The following AEBP2 variants were observed in gnomAD, a reference collection of about 807,000 sequenced individuals.
AEBP2 encodes zinc finger protein AEBP2.
In AEBP2, 10 loss-of-function variants were observed where a neutral mutation model predicts 50.8. That is an observed-to-expected ratio of 0.20 (90% CI 0.12 to 0.33). AEBP2 has a LOEUF of 0.33. Ranked by LOEUF, AEBP2 falls within the 10% of genes least tolerant of loss-of-function variation. The pLI is 1.00. For missense variants in AEBP2, 570 were observed against 688.0 expected, an observed-to-expected ratio of 0.83 and a Z score of 1.92; for synonymous variants, 296 against 261.3, an observed-to-expected ratio of 1.13 and a Z score of -1.28.
chr12:19,493,754 C>A, intron 3 of AEBP2, 46 bp from the exon 4 acceptor site: 1 of 1,564,494 alleles, frequency 6.4e-7, no homozygotes, highest in Non-Finnish European at 8.7e-7. Flanking sequence ...TCTTCTCGTG[C>A]CCTACACAGC....
Position 19,522,043 on chromosome 12 carries a change from AAGG to A in AEBP2, c.*3929_*3931del, listed in dbSNP as rs1383924500. On this transcript the variant is annotated 3_prime_UTR_variant, in exon 8 of 8. Transcript: ENST00000266508. Reference sequence around the variant, plus strand: ...ACAAGGAGATACTTTGTTTCTAAAAAAGGAGTTAAATCGTGTCACCTGAATTTT... The same window carrying A: ...ACAAGGAGATACTTTGTTTCTAAAAAAGTTAAATCGTGTCACCTGAATTTT... 1 of 152,104 alleles carries A rather than the reference AAGG, an allele frequency of 6.6e-6. No homozygotes were observed. The allele number at this position is 152,104 out of a possible 1,614,324, so 9.4% of individuals were successfully genotyped here. A position where few individuals can be genotyped will look rare whatever the true frequency, so the allele number is the denominator to read the frequency against.
intron 2 of AEBP2, among the ~76,000 whole-genome samples, chr12:19,462,972 C>T (rs939885288): frequency 2.6e-5 from 4 of 152,098 alleles, no homozygotes; most frequent in African/African-American, 9.7e-5. Flanking sequence ...TAGTAGGTGA[C>T]AGTATTATTA....
intron 5 of AEBP2, among the ~76,000 whole-genome samples, chr12:19,509,831 T>C (rs1478650220): frequency 7.3e-6 from 1 of 136,456 alleles, no homozygotes; most frequent in African/African-American, 2.8e-5. Context: ...TTTTTTTTTT[T>C]TTTTTTTTTT....
intron 1 of AEBP2, chr12:19,456,112 C>T (rs1291243616): frequency 7.6e-6 from 4 of 525,118 alleles, no homozygotes. Flanking sequence ...TCCTTTCCTT[C>T]TGAAGGTTTT....
At chr12:19,498,404 T>A (rs1435043042) in intron 4 of AEBP2, among the ~76,000 whole-genome samples, 1 of 152,218 alleles carries the variant, frequency 6.6e-6, no homozygotes, top group Non-Finnish European at 1.5e-5. Flanking sequence ...TTTGTTTATT[T>A]TTTCTTGAGG....
At chr12:19,444,800 C>T (rs139971175) in intron 1 of AEBP2, among the ~76,000 whole-genome samples, 4 of 152,268 alleles carry the variant, frequency 2.6e-5, no homozygotes, top group Admixed American at 6.5e-5. Context: ...TTTTTAGTAT[C>T]TTTGTAAGTA....
chr12:19,474,553 A>C (rs972566560), intron 3 of AEBP2, among the ~76,000 whole-genome samples: 5 of 151,934 alleles, frequency 3.3e-5, no homozygotes, highest in African/African-American at 1.2e-4. Context: ...GTATTTCCTT[A>C]TGCAACCATA....
intron 3 of AEBP2, among the ~76,000 whole-genome samples, chr12:19,474,790 A>G (rs1948622802): frequency 2.5e-5 from 2 of 79,940 alleles, no homozygotes; most frequent in South Asian, 7.4e-4. Context: ...TTTAATTTGA[A>G]TAGTTTTTTT....
chr12:19,520,805 C>A lies in AEBP2; in HGVS notation c.*2688C>A, dbSNP rs894276903. On this transcript the variant is annotated 3_prime_UTR_variant, in exon 8 of 8. Transcript: ENST00000266508. The stretch of plus-strand genomic sequence containing the variant: ...GGTTGGCAATCCCTAATCCAAAAAT[C>A]TGACATAAAAAATGCTCCAAAGTTC... 6.6e-6 allele frequency: 1 copy of A among 152,176 alleles called. No homozygotes were observed. Among genetic ancestry groups the A allele is most frequent in the African/African-American group, 2.4e-5 (1 of 41,448 alleles). 9.4% of individuals were successfully genotyped at this position (152,176 alleles called of 1,614,324 possible).
chr12:19,462,385 A>T (rs552589886), intron 1 of AEBP2, 125 bp from the exon 2 acceptor site: 1 of 766,790 alleles, frequency 1.3e-6, no homozygotes, highest in African/African-American at 1.8e-5. Flanking sequence ...CATGGAGAAT[A>T]TGGTTACTAT....
In AEBP2 at chr12:19,508,840, C is replaced by A. The variant is rs533847761; in HGVS notation, c.1300-3558C>A. On this transcript the variant is annotated intron_variant, in intron 5 of 7. Transcript: ENST00000266508. Reference sequence around the variant, plus strand: ...TAGTATTTTTTCTTTACTGTTTATTCATTTAAAAATATTTCAAAGGCTTTC... The same window carrying A: ...TAGTATTTTTTCTTTACTGTTTATTAATTTAAAAATATTTCAAAGGCTTTC... 3.7e-4 allele frequency: 77 copies of A among 205,992 alleles called. 2 individuals carry two copies. The South Asian group carries it at 6.6e-3, about 18-fold the overall frequency. The allele number at this position is 205,992 out of a possible 1,614,324, so 12.8% of individuals were successfully genotyped here. A position where few individuals can be genotyped will look rare whatever the true frequency, so the allele number is the denominator to read the frequency against.
upstream of AEBP2, among the ~76,000 whole-genome samples, chr12:19,436,879 A>G (rs1034431788): frequency 1.3e-5 from 2 of 151,948 alleles, no homozygotes; most frequent in Admixed American, 1.3e-4. Flanking sequence ...GGATTACAAG[A>G]GTGAGCCACT....
Position 19,518,126 on chromosome 12 carries a change from T to C in AEBP2, c.*9T>C. The C allele has an allele frequency of 1.3e-6, 2 of 1,590,352 alleles. No homozygotes were observed. The highest frequency in any genetic ancestry group is 1.7e-5 in the Admixed American group (1 of 57,644). ...AGAGGTTGAAGAGGTAAAAAATAAA[T>C]AAATACATAAAAAGCAAACAAGCGG... On this transcript the variant is annotated 3_prime_UTR_variant, in exon 8 of 8. Transcript: ENST00000266508.
chr12:19,461,289 GAGA>G (rs1347489044), intron 1 of AEBP2, among the ~76,000 whole-genome samples: 2 of 152,014 alleles, frequency 1.3e-5, no homozygotes, highest in Non-Finnish European at 2.9e-5. Context: ...TTTATTTATT[GAGA>G]AGATTTTGAA....
chr12:19,468,156 G>GTGTGTGTGTGTGTA (rs1565717922), intron 2 of AEBP2, among the ~76,000 whole-genome samples: 1 of 150,472 alleles, frequency 6.6e-6, no homozygotes, highest in South Asian at 2.1e-4. Context: ...GTGTGTGTGT[G>GTGTGTGTGTGTGTA]TATGTGTTTT....
chr12:19,501,331 C>CA (rs568690588), intron 5 of AEBP2, among the ~76,000 whole-genome samples: 1,469 of 82,086 alleles, frequency 0.018, 8 homozygotes, highest in East Asian at 0.03. Flanking sequence ...AACTCCATCT[C>CA]AAAAAAAAAA....
intron 1 of AEBP2, among the ~76,000 whole-genome samples, chr12:19,425,806 G>A (rs1299361350): frequency 2.7e-5 from 4 of 150,460 alleles, no homozygotes; most frequent in Non-Finnish European, 5.9e-5. Context: ...TGGAATTAAA[G>A]GTATTCAAGG....
intron 5 of AEBP2, chr12:19,508,890 T>A: frequency 3.6e-6 from 1 of 276,192 alleles, no homozygotes; most frequent in East Asian, 7.4e-5. Context: ...GAACGTTGTC[T>A]GCAGGCACTC....
chr12:19,509,049 GC>G, intron 5 of AEBP2: 1 of 585,702 alleles, frequency 1.7e-6, no homozygotes, highest in Non-Finnish European at 3.2e-6. Flanking sequence ...TGTGGCATGT[GC>G]CCAGGCAGAC....
Sources: allele counts gnomAD v4.1 joint callset (sites outside exome capture counted in the v4.1 genomes callset), GRCh38; gene constraint gnomAD v4.1.1; transcripts MANE v1.5; gene names NCBI Gene and HGNC (gene_info 2026-07-23, HGNC 2026-07-21).